The following RTCB variants were observed in gnomAD, a reference collection of about 807,000 sequenced individuals.
RTCB encodes the protein RNA-splicing ligase RTCB.
Under a neutral mutation model 58.2 loss-of-function variants are expected in RTCB, and 32 were observed. That is an observed-to-expected ratio of 0.55 (90% confidence interval 0.41 to 0.74). The LOEUF is 0.74. Among genes scored for constraint, RTCB ranks in the 30% least tolerant of loss-of-function variants. The pLI, the probability that RTCB is intolerant of heterozygous loss-of-function variation, is 0.00. For missense variants in RTCB, 523 were observed against 639.0 expected, an observed-to-expected ratio of 0.82 and a Z score of 1.96; for synonymous variants, 247 against 218.6, an observed-to-expected ratio of 1.13 and a Z score of -1.15.
chr22:32,398,616 T>C (rs2294314), intron 6 of RTCB, among the ~76,000 whole-genome samples: 34 of 151,842 alleles, frequency 2.2e-4, no homozygotes, highest in Admixed American at 9.2e-4. Flanking sequence ...GTAAATAAAT[T>C]AATTTTTTAA....
In RTCB at chr22:32,387,868, T is replaced by C. The variant is rs1933083717; in HGVS notation, c.*124A>G. 4.9e-6 allele frequency: 3 copies of C among 615,756 alleles called. No homozygotes were observed. Among genetic ancestry groups the C allele is most frequent in the Non-Finnish European group, 8.7e-6 (3 of 344,066 alleles). 38.1% of individuals were successfully genotyped at this position (615,756 alleles called of 1,614,324 possible). A position where few individuals can be genotyped will look rare whatever the true frequency, so the allele number is the denominator to read the frequency against. On this transcript the variant is annotated 3_prime_UTR_variant, in exon 12 of 12. Coordinates refer to ENST00000216038, the MANE Select transcript of RTCB (RefSeq NM_014306.5). ...AGCCTCCCCATCAGCCATTTTGGCG[T>C]GAGCAGTTACAGCTGCACACTTTGC...
At chr22:32,402,264 T>C (rs892520267) in intron 4 of RTCB, among the ~76,000 whole-genome samples, 1 of 152,200 alleles carries the variant, frequency 6.6e-6, no homozygotes, top group Non-Finnish European at 1.5e-5. Flanking sequence ...CTATAACATA[T>C]CTTTCCATTT....
intron 8 of RTCB, 40 bp downstream of exon 8, chr22:32,396,034 T>G (rs1204982833): frequency 6.2e-7 from 1 of 1,601,992 alleles, no homozygotes; most frequent in Non-Finnish European, 8.5e-7. Context: ...CTTAACATCA[T>G]CATGAATGAC....
At chr22:32,395,851 C>T (rs141272484) in intron 8 of RTCB, among the ~76,000 whole-genome samples, 31 of 152,228 alleles carry the variant, frequency 2.0e-4, no homozygotes, top group African/African-American at 5.8e-4. Flanking sequence ...CCCGCCACGA[C>T]GACCAGCTAA....
intron 10 of RTCB, 135 bp from the exon 11 acceptor site, chr22:32,392,494 C>A: frequency 9.0e-7 from 1 of 1,109,234 alleles, no homozygotes; most frequent in Non-Finnish European, 1.3e-6. Context: ...GCCTTTTAAA[C>A]CTCATCATAT....
chr22:32,408,292 C>T (rs369280878), intron 2 of RTCB, 50 bp from the exon 3 acceptor site: 202 of 1,446,580 alleles, frequency 1.4e-4, no homozygotes, highest in Non-Finnish European at 1.9e-4. Flanking sequence ...TGATTTTTAG[C>T]ATGAATTATA....
At position 32,412,125 on chromosome 22, in the gene RTCB, A is replaced by G. The variant is rs1476278469; in HGVS notation, c.32T>C (p.Phe11Ser). 6.2e-7 allele frequency: 1 copy of G among 1,607,290 alleles called. No individual in the cohort carries two copies. The highest frequency in any genetic ancestry group is 2.3e-5 in the East Asian group (1 of 44,316). Residue 11 changes from phenylalanine to serine, a missense_variant, in exon 1 of 12, where the codon TTC becomes TCC. Phe to Ser is a radical substitution (Grantham distance 155, BLOSUM62 -2). This residue lies in a region of RTCB where 134 missense variants were observed against 129.9 expected (regional missense o/e 1.03). Coordinates refer to ENST00000216038, the MANE Select transcript of RTCB (RefSeq NM_014306.5). ...GCAGTTTTTATTGATCTTCTCCAAG[A>G]ACTGCAGCTCATCATTATAGCTGCG... is the stretch of plus-strand genomic sequence containing the variant. MSRSYNDELQ[F>S]LEKINKNCWR...
chr22:32,389,386 T>C (rs1300855149), intron 11 of RTCB, among the ~76,000 whole-genome samples: 1 of 152,166 alleles, frequency 6.6e-6, no homozygotes, highest in East Asian at 1.9e-4. Context: ...CTATACCTTC[T>C]CTCCTTTTAT....
intron 10 of RTCB, among the ~76,000 whole-genome samples, chr22:32,393,134 T>G (rs546321970): frequency 1.3e-5 from 2 of 152,188 alleles, no homozygotes; most frequent in South Asian, 4.1e-4. Context: ...GGTGTCTTGC[T>G]AATGTTGCCC....
chr22:32,401,576 A>T, intron 5 of RTCB, 171 bp downstream of exon 5: 1 of 626,942 alleles, frequency 1.6e-6, no homozygotes, highest in Non-Finnish European at 2.7e-6. Context: ...TCGGTTGACT[A>T]ATGTCTCCAA....
At chr22:32,392,456 CT>C in intron 10 of RTCB, 97 bp from the exon 11 acceptor site, 1 of 1,476,726 alleles carries the variant, frequency 6.8e-7, no homozygotes, top group Non-Finnish European at 9.4e-7. Context: ...AAAAAAACAT[CT>C]TTTTTACTTT....
At chr22:32,401,098 T>G (rs918267189) in intron 5 of RTCB, among the ~76,000 whole-genome samples, 6 of 151,420 alleles carry the variant, frequency 4.0e-5, no homozygotes, top group African/African-American at 9.7e-5. Flanking sequence ...AAGTTTTTTT[T>G]TTTTTTTTTT....
At chr22:32,390,552 C>T (rs769803332) in intron 11 of RTCB, among the ~76,000 whole-genome samples, 7 of 152,028 alleles carry the variant, frequency 4.6e-5, no homozygotes, top group East Asian at 1.9e-4. Flanking sequence ...GCGTTCACGC[C>T]GTTCTCCTGC....
rs141816815 is a variant in RTCB, at chr22:32,402,923, T to G, written c.341-1020A>C. On this transcript the variant is annotated intron_variant, in intron 4 of 11. Coordinates refer to ENST00000216038, the MANE Select transcript of RTCB (RefSeq NM_014306.5). Reference sequence around the variant, plus strand: ...CCAGGCCTGATTAACTTTTGTATTATGCGTAGGGATGGGGTTTCACCATGT... The same window carrying G: ...CCAGGCCTGATTAACTTTTGTATTAGGCGTAGGGATGGGGTTTCACCATGT... 4.0e-3 allele frequency among the ~76,000 whole-genome samples: 615 copies of G among 152,182 alleles called. 4 individuals are homozygous for G. The highest frequency in any genetic ancestry group is 0.014 in the African/African-American group (593 of 41,534).
chr22:32,406,782 G>T, intron 3 of RTCB, 21 bp from the exon 4 acceptor site: 1 of 1,555,570 alleles, frequency 6.4e-7, no homozygotes, highest in Non-Finnish European at 8.9e-7. Context: ...ATTAGAAAAT[G>T]AAATACAAGT....
chr22:32,391,184 G>T (rs564757193), intron 11 of RTCB, among the ~76,000 whole-genome samples: 40 of 152,292 alleles, frequency 2.6e-4, no homozygotes, highest in African/African-American at 8.9e-4. Flanking sequence ...TTAATTTATA[G>T]TAGCAAAAAT....
In RTCB at chr22:32,401,909, A is replaced by G. The variant is rs769182638; in HGVS notation, c.341-6T>C. 4.3e-6 allele frequency: 7 copies of G among 1,612,656 alleles called. No homozygotes were observed. In the East Asian group the frequency reaches 1.1e-4, roughly 26 times the overall value. On this transcript the variant is annotated splice_polypyrimidine_tract_variant and splice_region_variant and intron_variant, in intron 4 of 11. Transcript: ENST00000216038. ...GATGTCAAACCCGACACCACCTACAAAATAGAGAAAAGTTAGCAAAACCAG... is the reference window on the plus strand; with the variant it reads ...GATGTCAAACCCGACACCACCTACAGAATAGAGAAAAGTTAGCAAAACCAG...
chr22:32,392,546 G>A, intron 10 of RTCB, 187 bp from the exon 11 acceptor site: 2 of 778,114 alleles, frequency 2.6e-6, no homozygotes, highest in Non-Finnish European at 2.2e-6. Context: ...TTGGGAGGCT[G>A]TCCTATGCAG....
rs1158989966 is a variant in RTCB at position 32,393,996 on chromosome 22, C to T, written c.1186G>A (p.Gly396Arg). The change falls in exon 10 of 12, where the codon GGA becomes AGA. Residue 396 changes from glycine (G) to arginine (R), a missense_variant. Physicochemically the swap from Gly to Arg is moderately radical, Grantham distance 125 (BLOSUM62 -2). Coordinates refer to ENST00000216038, the MANE Select transcript of RTCB (RefSeq NM_014306.5). ...PLIAVDYQLT[G>R]QPVLIGGTMG... ...GTGCCACCAATGAGCACTGGCTGTC[C>T]AGTGAGCTGAGGATGCACATAAATC... 1 of 1,607,760 alleles carries T rather than the reference C, an allele frequency of 6.2e-7. No individual in the cohort carries two copies. Among genetic ancestry groups the T allele is most frequent in the Non-Finnish European group, 8.5e-7 (1 of 1,174,344 alleles).
Sources: gnomAD v4.1 joint callset for allele counts (sites outside exome capture counted in the v4.1 genomes callset) on GRCh38, gnomAD v4.1.1 for gene constraint, gnomAD v4.1.1 regional missense constraint, MANE v1.5 for transcripts, NCBI Gene and HGNC (gene_info 2026-07-23, HGNC 2026-07-21) for gene names.